ARMC3: variants seen among roughly 807,000 people sequenced by gnomAD.
ARMC3 encodes armadillo repeat containing 3.
Under a neutral mutation model 90.3 loss-of-function variants are expected in ARMC3, and 74 were observed. The observed-to-expected ratio is 0.82, with a 90% CI of 0.68 to 0.99. The LOEUF (loss-of-function observed/expected upper bound fraction) is 0.99. Among genes scored for constraint, ARMC3 ranks in the 50% least tolerant of loss-of-function variants. The pLI, the probability that ARMC3 is intolerant of heterozygous loss-of-function variation, is 0.00. For synonymous variants in ARMC3, 334 were observed against 361.8 expected (o/e 0.92, Z 0.87); for missense variants, 958 against 1,042.8 (o/e 0.92, Z 1.12).
intron 10 of ARMC3, among the ~76,000 whole-genome samples, chr10:22,987,145 A>C (rs959861401): frequency 2.0e-5 from 3 of 152,202 alleles, no homozygotes; most frequent in Non-Finnish European, 4.4e-5. Flanking sequence ...TGCCTTTTGA[A>C]AACGAGAAAA....
intron 1 of ARMC3, among the ~76,000 whole-genome samples, chr10:22,931,232 G>C (rs776289046): frequency 1.3e-5 from 2 of 152,124 alleles, no homozygotes; most frequent in Admixed American, 6.5e-5. Flanking sequence ...GGCCTGAAAA[G>C]TTCTTTGAAC....
At chr10:23,033,938 A>T (rs1476299842) in intron 18 of ARMC3, among the ~76,000 whole-genome samples, 1 of 152,188 alleles carries the variant, frequency 6.6e-6, no homozygotes, top group Non-Finnish European at 1.5e-5. Flanking sequence ...AGAGGGGGTG[A>T]TCTTTTGCTC....
chr10:23,027,398 TCAAA>T lies in ARMC3; in HGVS notation c.2046-3195_2046-3192del, dbSNP rs535965852. Among the ~76,000 whole-genome samples the T allele has an allele frequency of 6.8e-4, 104 of 152,354 alleles. 1 individual carries two copies. Among genetic ancestry groups the T allele is most frequent in the African/African-American group, 2.5e-3 (102 of 41,594 alleles). ...TTTATTTGGAGCAATTGTAAATGCT[TCAAA>T]CAGTTTTTTGGTTTTAATTTTGATT... On this transcript the variant is annotated intron_variant, in intron 16 of 18. Transcript: ENST00000298032.
chr10:22,935,937 A>G (rs1834092382), intron 2 of ARMC3, among the ~76,000 whole-genome samples: 1 of 152,152 alleles, frequency 6.6e-6, no homozygotes, highest in African/African-American at 2.4e-5. Flanking sequence ...TTCCTACACA[A>G]TTAGCACCTC....
intron 16 of ARMC3, 107 bp from the exon 17 acceptor site, chr10:23,030,489 G>C (rs1170490917): frequency 4.7e-6 from 7 of 1,485,732 alleles, no homozygotes; most frequent in Non-Finnish European, 1.8e-6. Flanking sequence ...GTTGCTCAAG[G>C]GTTCACTGTA....
chr10:22,945,343 A>T (rs575544627), intron 2 of ARMC3, among the ~76,000 whole-genome samples: 1 of 152,216 alleles, frequency 6.6e-6, no homozygotes, highest in African/African-American at 2.4e-5. Flanking sequence ...ATCCTTCATT[A>T]GTCTCTGGAA....
chr10:22,928,788 C>T (rs1833812065), intron 1 of ARMC3, among the ~76,000 whole-genome samples: 1 of 152,126 alleles, frequency 6.6e-6, no homozygotes, highest in Non-Finnish European at 1.5e-5. Flanking sequence ...TATGCTAATC[C>T]ACTGGAGATT....
chr10:22,933,995 C>T (rs770636809), intron 2 of ARMC3, among the ~76,000 whole-genome samples: 15 of 152,118 alleles, frequency 9.9e-5, no homozygotes, highest in Non-Finnish European at 2.1e-4. Context: ...AGCAGTATGC[C>T]ACAATTTACA....
chr10:23,010,345 C>G (rs1480088383), intron 16 of ARMC3, among the ~76,000 whole-genome samples: 3 of 135,014 alleles, frequency 2.2e-5, no homozygotes, highest in African/African-American at 8.5e-5. Context: ...ACCCTCTTAT[C>G]TCTCCTTCCC....
chr10:23,033,857 T>TG (rs1313182703), intron 18 of ARMC3, among the ~76,000 whole-genome samples: 1 of 152,116 alleles, frequency 6.6e-6, no homozygotes, highest in Non-Finnish European at 1.5e-5. Flanking sequence ...TTTCTGGGCT[T>TG]TGAGTGGGGC....
At chr10:22,957,351 C>T (rs1404120396) in intron 4 of ARMC3, among the ~76,000 whole-genome samples, 1 of 152,168 alleles carries the variant, frequency 6.6e-6, no homozygotes, top group East Asian at 1.9e-4. Flanking sequence ...ATTACAGCCT[C>T]AGCTACAGAG....
intron 10 of ARMC3, among the ~76,000 whole-genome samples, chr10:22,989,806 T>C (rs983430889): frequency 2.0e-5 from 3 of 152,238 alleles, no homozygotes; most frequent in African/African-American, 7.2e-5. Flanking sequence ...CCTCCCTGTC[T>C]GATGGAATCT....
intron 10 of ARMC3, among the ~76,000 whole-genome samples, chr10:22,983,684 A>G (rs865831416): frequency 6.6e-6 from 1 of 152,196 alleles, no homozygotes; most frequent in African/African-American, 2.4e-5. Flanking sequence ...TGAGGAGGAT[A>G]TGGAATCAAA....
At position 22,929,195 on chromosome 10, in the gene ARMC3, C is replaced by T. The variant is rs547269069; in HGVS notation, c.-2+1089C>T. Among the ~76,000 whole-genome samples the T allele has an allele frequency of 2.6e-4, 39 of 148,950 alleles. No homozygotes were observed. In the South Asian group the frequency reaches 7.9e-3, roughly 30 times the overall value. On this transcript the variant is annotated intron_variant, in intron 1 of 18. Transcript: ENST00000298032. The stretch of plus-strand genomic sequence containing the variant: ...GAGCCAAGATCAGGCCACTCTCCAG[C>T]CTGGGCAACAGAGTGAGACTCTGTC...
At chr10:22,996,418 G>T (rs1836959770) in intron 10 of ARMC3, among the ~76,000 whole-genome samples, 1 of 152,170 alleles carries the variant, frequency 6.6e-6, no homozygotes, top group African/African-American at 2.4e-5. Context: ...TATTTTTGTA[G>T]AGGTCAATTT....
chr10:23,006,731 A>C, intron 13 of ARMC3, 153 bp from the exon 14 acceptor site: 4 of 592,334 alleles, frequency 6.8e-6, no homozygotes, highest in Non-Finnish European at 5.9e-6. Flanking sequence ...TCAGGTTCCT[A>C]TTTCTAATTT....
intron 17 of ARMC3, chr10:23,031,200 C>T (rs1333349671): frequency 5.7e-6 from 1 of 175,692 alleles, no homozygotes; most frequent in African/African-American, 2.4e-5. Flanking sequence ...TACAAATGTC[C>T]AATGTCTCTT....
intron 8 of ARMC3, among the ~76,000 whole-genome samples, chr10:22,970,684 C>G (rs986659445): frequency 6.6e-6 from 1 of 152,118 alleles, no homozygotes; most frequent in Non-Finnish European, 1.5e-5. Flanking sequence ...AGGCACTTTG[C>G]AAGGAGAACC....
intron 3 of ARMC3, among the ~76,000 whole-genome samples, chr10:22,951,441 C>A (rs987818910): frequency 6.6e-5 from 10 of 151,750 alleles, no homozygotes; most frequent in Non-Finnish European, 1.5e-5. Context: ...ATTTATAGAA[C>A]ACTTTAAGAG....
Sources: gnomAD v4.1 joint callset for allele counts (sites outside exome capture counted in the v4.1 genomes callset) on GRCh38, gnomAD v4.1.1 for gene constraint, MANE v1.5 for transcripts, NCBI Gene and HGNC (gene_info 2026-07-23, HGNC 2026-07-21) for gene names.